The following ATRNL1 variants were observed in gnomAD, a reference collection of about 807,000 sequenced individuals.
ATRNL1 encodes the protein attractin like 1.
In ATRNL1, 95 loss-of-function variants were observed where a neutral mutation model predicts 182.7. The observed-to-expected ratio is 0.52, with a 90% CI of 0.44 to 0.62. The LOEUF is 0.62. Ranked by LOEUF, ATRNL1 falls within the 20% of genes least tolerant of loss-of-function variation. The probability of loss-of-function intolerance (pLI) is 0.00; values close to 1 mark genes in which losing one functional copy is unlikely to be tolerated. For missense variants in ATRNL1, 1,471 were observed against 1,679.5 expected (o/e 0.88, Z 2.17); for synonymous variants, 576 against 568.3 (o/e 1.01, Z -0.19).
At chr10:115,384,640 C>G (rs979995250) in intron 19 of ATRNL1, among the ~76,000 whole-genome samples, 34 of 151,646 alleles carry the variant, frequency 2.2e-4, no homozygotes, top group African/African-American at 7.5e-4. Context: ...TGCATTTTTT[C>G]TTCATTTTTT....
chr10:115,898,386 A>C (rs1470765308), intron 28 of ATRNL1, among the ~76,000 whole-genome samples: 1 of 152,208 alleles, frequency 6.6e-6, no homozygotes, highest in Non-Finnish European at 1.5e-5. Flanking sequence ...TTGTGCAGTG[A>C]AAGACTTCCA....
Position 115,890,308 on chromosome 10 carries a change from C to T in ATRNL1, c.4018+42317C>T, listed in dbSNP as rs536299784. ...TGAGAAGTTGAAGGATTCCATTTTT[C>T]ACCAGCTCTAACATGGTTAATCTTT... On this transcript the variant is annotated intron_variant, in intron 28 of 28. Transcript: ENST00000355044. Among the ~76,000 whole-genome samples the T allele has an allele frequency of 4.1e-4, 63 of 152,272 alleles. No individual in the cohort carries two copies. In the Middle Eastern group the frequency reaches 0.014, roughly 33 times the overall value.
intron 26 of ATRNL1, among the ~76,000 whole-genome samples, chr10:115,639,739 A>G (rs969025365): frequency 6.6e-6 from 1 of 152,220 alleles, no homozygotes; most frequent in African/African-American, 2.4e-5. Context: ...AAAGTATGTT[A>G]AAGTAGTCCA....
intron 24 of ATRNL1, among the ~76,000 whole-genome samples, chr10:115,482,594 A>G (rs1848819695): frequency 6.6e-6 from 1 of 151,104 alleles, no homozygotes; most frequent in African/African-American, 2.4e-5. Context: ...TTCTTCATTA[A>G]TAAGCATTTA....
chr10:115,413,050 A>G (rs1845219622), intron 20 of ATRNL1, among the ~76,000 whole-genome samples: 1 of 152,146 alleles, frequency 6.6e-6, no homozygotes, highest in African/African-American at 2.4e-5. Context: ...TTTTAATATC[A>G]CCTATTTATA....
chr10:115,155,527 C>T (rs928564600), intron 5 of ATRNL1, among the ~76,000 whole-genome samples: 2 of 151,986 alleles, frequency 1.3e-5, no homozygotes, highest in Admixed American at 1.3e-4. Flanking sequence ...GGTAAGTTTG[C>T]CCAAGGTTTC....
chr10:115,592,655 C>A (rs1324432204), intron 26 of ATRNL1, among the ~76,000 whole-genome samples: 2 of 152,166 alleles, frequency 1.3e-5, no homozygotes, highest in Non-Finnish European at 2.9e-5. Flanking sequence ...GCGTCATTCA[C>A]TTGGTGTAAT....
At chr10:115,206,135 C>A (rs1246993658) in intron 8 of ATRNL1, among the ~76,000 whole-genome samples, 2 of 152,036 alleles carry the variant, frequency 1.3e-5, no homozygotes, top group African/African-American at 4.8e-5. Flanking sequence ...AAATGTTGGG[C>A]CACTTCTTTC....
intron 24 of ATRNL1, among the ~76,000 whole-genome samples, chr10:115,478,976 A>T (rs1413925955): frequency 6.6e-6 from 1 of 151,628 alleles, no homozygotes; most frequent in African/African-American, 2.4e-5. Context: ...TGTGAATTAC[A>T]TGCCAATCAA....
chr10:115,887,208 G>A (rs146836838), intron 28 of ATRNL1, among the ~76,000 whole-genome samples: 48 of 152,290 alleles, frequency 3.2e-4, no homozygotes, highest in Middle Eastern at 3.4e-3. Context: ...CCTGGAGGTC[G>A]ACTGTCTCTC....
intron 19 of ATRNL1, among the ~76,000 whole-genome samples, chr10:115,344,128 C>T (rs964069198): frequency 3.3e-5 from 5 of 152,166 alleles, no homozygotes; most frequent in Non-Finnish European, 4.4e-5. Flanking sequence ...TATGCACTCA[C>T]TGGTTACTGC....
chr10:115,178,394 A>C (rs1224731093), intron 8 of ATRNL1, among the ~76,000 whole-genome samples: 2 of 152,200 alleles, frequency 1.3e-5, no homozygotes, highest in Non-Finnish European at 2.9e-5. Flanking sequence ...TGTTTGTCAC[A>C]GAGTGGAAGT....
intron 24 of ATRNL1, among the ~76,000 whole-genome samples, chr10:115,516,410 G>A (rs1187632165): frequency 1.3e-5 from 2 of 151,640 alleles, no homozygotes; most frequent in South Asian, 2.1e-4. Context: ...ACTTATTTTT[G>A]TCTTGATGAC....
In ATRNL1 at chr10:115,753,240, T is replaced by C. The variant is rs1247405996; in HGVS notation, c.3903+25885T>C. Among the ~76,000 whole-genome samples the C allele has an allele frequency of 3.3e-5, 5 of 152,106 alleles. No homozygotes were observed. The East Asian group carries it at 9.6e-4, about 29-fold the overall frequency. ...GTGCAGAAGGTGCAGGTTTGTTACA[T>C]AGGTATACATGTGCCATAGTGGTTT... On this transcript the variant is annotated intron_variant, in intron 27 of 28. Coordinates refer to ENST00000355044, the MANE Select transcript of ATRNL1 (RefSeq NM_207303.4).
chr10:115,463,640 A>T (rs1466600569), intron 22 of ATRNL1, among the ~76,000 whole-genome samples: 1 of 152,112 alleles, frequency 6.6e-6, no homozygotes, highest in South Asian at 2.1e-4. Flanking sequence ...AAACTCTGTG[A>T]TTATTAAACA....
At chr10:115,709,013 C>T (rs928716825) in intron 26 of ATRNL1, among the ~76,000 whole-genome samples, 2 of 151,818 alleles carry the variant, frequency 1.3e-5, no homozygotes, top group South Asian at 2.1e-4. Flanking sequence ...ACACATGCTT[C>T]GTTGACAACA....
At chr10:115,466,208 T>G in intron 22 of ATRNL1, among the ~76,000 whole-genome samples, 1 of 151,562 alleles carries the variant, frequency 6.6e-6, no homozygotes, top group East Asian at 1.9e-4. Flanking sequence ...CTTAGAAAAT[T>G]GGGAATATAT....
chr10:115,515,315 GTTC>G (rs1301117299), intron 24 of ATRNL1, among the ~76,000 whole-genome samples: 1 of 81,460 alleles, frequency 1.2e-5, no homozygotes, highest in African/African-American at 3.5e-5. Context: ...TAGAATAGTT[GTTC>G]TTTTTTTTTT....
intron 17 of ATRNL1, among the ~76,000 whole-genome samples, chr10:115,309,014 C>T (rs1467805072): frequency 6.6e-6 from 1 of 152,060 alleles, no homozygotes; most frequent in African/African-American, 2.4e-5. Context: ...AATAGGGTGT[C>T]CTTTCCTCAA....
Sources: allele counts gnomAD v4.1 joint callset (sites outside exome capture counted in the v4.1 genomes callset), GRCh38; gene constraint gnomAD v4.1.1; transcripts MANE v1.5; gene names NCBI Gene and HGNC (gene_info 2026-07-23, HGNC 2026-07-21).